BDKRB2: variants seen among roughly 807,000 people sequenced by gnomAD.
The protein encoded by BDKRB2 is B2 bradykinin receptor.
In BDKRB2, 6 loss-of-function variants were observed where a neutral mutation model predicts 4.0. That is an observed-to-expected ratio of 1.49 (90% CI 0.81 to 2.93). BDKRB2 has a LOEUF of 2.93. Ranked by LOEUF, BDKRB2 falls within the 30% of genes most tolerant of loss-of-function variation. BDKRB2 has a pLI of 0.00. For synonymous variants in BDKRB2, 225 were observed against 215.3 expected (o/e 1.05, Z -0.40); for missense variants, 478 against 520.1 (o/e 0.92, Z 0.79).
chr14:96,213,562 G>A (rs1050798303), intron 1 of BDKRB2, among the ~76,000 whole-genome samples: 3 of 151,436 alleles, frequency 2.0e-5, no homozygotes, highest in South Asian at 4.2e-4. Context: ...CTTCTTTGCT[G>A]CCTGCATGTC....
At chr14:96,218,571 C>A (rs1202594363) in intron 1 of BDKRB2, among the ~76,000 whole-genome samples, 1 of 152,174 alleles carries the variant, frequency 6.6e-6, no homozygotes, top group Non-Finnish European at 1.5e-5. Flanking sequence ...AGGCCCTGCT[C>A]TGCCACTGAC....
In BDKRB2 at chr14:96,237,658, C is replaced by T. The variant is rs778069161; in HGVS notation, c.74+477C>T. The T allele has an allele frequency of 7.6e-5, 97 of 1,281,436 alleles. 1 individual carries two copies. The South Asian group carries it at 1.0e-3, about 14-fold the overall frequency. 79.4% of individuals were successfully genotyped at this position (1,281,436 alleles called of 1,614,324 possible). On this transcript the variant is annotated intron_variant, in intron 2 of 2. Coordinates refer to ENST00000554311, the MANE Select transcript of BDKRB2 (RefSeq NM_001379692.1). The stretch of plus-strand genomic sequence containing the variant: ...GGATAGGGAGATCTGTTCTTGGGGA[C>T]AGCATTTGCAAGAAACAAGGCTGAG...
rs1011972119 is a variant in BDKRB2 at position 96,239,687 on chromosome 14, A to G, written c.75-716A>G. 3.7e-5 allele frequency: 35 copies of G among 937,684 alleles called. No individual in the cohort carries two copies. The African/African-American group carries it at 6.1e-4, about 16-fold the overall frequency. 58.1% of individuals were successfully genotyped at this position (937,684 alleles called of 1,614,324 possible). On this transcript the variant is annotated intron_variant, in intron 2 of 2. Transcript: ENST00000554311. ...CTGAGAGGTAGTTTTTTTAACTCCC[A>G]TTTTACAGGTGAGGTCATTGTGGTT...
chr14:96,233,573 T>A (rs935949482), intron 1 of BDKRB2: 3 of 152,226 alleles, frequency 2.0e-5, no homozygotes, highest in Non-Finnish European at 4.4e-5. Context: ...TCTTTCCACT[T>A]AAAATATTCA....
Position 96,242,778 on chromosome 14 carries a change from T to A in BDKRB2, c.*1274T>A, listed in dbSNP as rs199816215. ...AGCCGGTACCTGGGAAGGGGGAGAG[T>A]GCAGGCCTGCTCAGGGACTGTTCCT... On this transcript the variant is annotated 3_prime_UTR_variant, in exon 3 of 3. Transcript: ENST00000554311. The A allele has an allele frequency of 6.6e-6, 1 of 152,064 alleles. No individual in the cohort carries two copies. The highest frequency in any genetic ancestry group is 2.1e-4 in the South Asian group (1 of 4,804). The allele number at this position is 152,064 out of a possible 1,614,324, so 9.4% of individuals were successfully genotyped here. A position where few individuals can be genotyped will look rare whatever the true frequency, so the allele number is the denominator to read the frequency against.
intron 1 of BDKRB2, among the ~76,000 whole-genome samples, chr14:96,217,751 A>T (rs1448286673): frequency 6.6e-6 from 1 of 152,186 alleles, no homozygotes. Flanking sequence ...AGGCAGGGAC[A>T]GGCTATGCAT....
intron 1 of BDKRB2, among the ~76,000 whole-genome samples, chr14:96,225,820 G>C (rs912162342): frequency 6.6e-6 from 1 of 152,184 alleles, no homozygotes; most frequent in East Asian, 1.9e-4. Context: ...ACCCAGCTGG[G>C]TGGGAAGAAG....
chr14:96,240,978 C>A lies in BDKRB2; in HGVS notation c.650C>A (p.Ser217Tyr). ...ACCGCTTGTGTCATCAGCTACCCAT[C>A]CCTCATCTGGGAAGTGTTCACCAAC... ...NVTACVISYP[S>Y]LIWEVFTNML... is the part of the protein sequence containing the mutation. Residue 217 changes from serine (S) to tyrosine (Y), a missense_variant, in exon 3 of 3, where the codon TCC (serine) becomes TAC (tyrosine). Coordinates refer to ENST00000554311, the MANE Select transcript of BDKRB2 (RefSeq NM_001379692.1). 1 of 1,595,746 alleles carries A rather than the reference C, an allele frequency of 6.3e-7. No homozygotes were observed. The highest frequency in any genetic ancestry group is 8.6e-7 in the Non-Finnish European group (1 of 1,168,592).
intron 1 of BDKRB2, among the ~76,000 whole-genome samples, chr14:96,227,608 TGCACAC>T (rs1420224350): frequency 6.6e-6 from 1 of 151,600 alleles, no homozygotes; most frequent in Admixed American, 6.6e-5. Flanking sequence ...AACACATGCA[TGCACAC>T]ACAAACACAC....
At chr14:96,217,311 C>G (rs1890449163) in intron 1 of BDKRB2, among the ~76,000 whole-genome samples, 4 of 152,218 alleles carry the variant, frequency 2.6e-5, no homozygotes, top group Admixed American at 2.6e-4. Flanking sequence ...AATGGTGAGG[C>G]CCACCTGGCA....
chr14:96,236,171 C>A (rs1890930641), intron 1 of BDKRB2, among the ~76,000 whole-genome samples: 1 of 152,166 alleles, frequency 6.6e-6, no homozygotes, highest in Non-Finnish European at 1.5e-5. Flanking sequence ...AACTTGACAG[C>A]ACCTTGTATT....
chr14:96,223,064 G>T, intron 1 of BDKRB2: 2 of 822,168 alleles, frequency 2.4e-6, no homozygotes, highest in East Asian at 2.6e-5. Context: ...GGAGTTGCTT[G>T]GAGGTTGGCG....
chr14:96,215,800 G>A (rs1290801263), intron 1 of BDKRB2, among the ~76,000 whole-genome samples: 1 of 152,214 alleles, frequency 6.6e-6, no homozygotes, highest in African/African-American at 2.4e-5. Flanking sequence ...CCCTAACATT[G>A]ATTCGGCATC....
Position 96,240,741 on chromosome 14 carries a change from C to T in BDKRB2, c.413C>T (p.Ser138Phe). ...TLCRVVNAII[S>F]MNLYSSICFL... ...TGCCGCGTGGTGAATGCCATTATCT[C>T]CATGAACCTGTACAGCAGCATCTGT... The change falls in exon 3 of 3, where the codon TCC becomes TTC. Residue 138 changes from serine (S) to phenylalanine (F), a missense_variant. Ser to Phe is a radical substitution (Grantham distance 155). Coordinates refer to ENST00000554311, the MANE Select transcript of BDKRB2 (RefSeq NM_001379692.1). The T allele has an allele frequency of 6.3e-7, 1 of 1,594,748 alleles. No individual in the cohort carries two copies. The highest frequency in any genetic ancestry group is 1.3e-5 in the African/African-American group (1 of 74,546).
chr14:96,240,107 G>A, intron 2 of BDKRB2: 1 of 1,131,138 alleles, frequency 8.8e-7, no homozygotes, highest in South Asian at 4.3e-5. Context: ...GAGGTCAAGG[G>A]TCCAACACTT....
chr14:96,206,457 C>T lies in BDKRB2; in HGVS notation c.-40+1498C>T, dbSNP rs200780487. ...TCTTTGGGATTCCCTCCCTTGCAAACGGGGAGGTTCCCATGGTTGGGCCTG... is the reference window on the plus strand; with the variant it reads ...TCTTTGGGATTCCCTCCCTTGCAAATGGGGAGGTTCCCATGGTTGGGCCTG... On this transcript the variant is annotated intron_variant, in intron 1 of 2. Coordinates refer to ENST00000554311, the MANE Select transcript of BDKRB2 (RefSeq NM_001379692.1). 1.5e-4 allele frequency among the ~76,000 whole-genome samples: 23 copies of T among 152,232 alleles called. No individual in the cohort carries two copies. In the East Asian group the frequency reaches 2.5e-3, roughly 17 times the overall value.
At chr14:96,226,925 G>C (rs1444679878) in intron 1 of BDKRB2, among the ~76,000 whole-genome samples, 1 of 152,234 alleles carries the variant, frequency 6.6e-6, no homozygotes, top group Non-Finnish European at 1.5e-5. Flanking sequence ...CTATGCTCAA[G>C]TCAGAAAGCC....
In BDKRB2 at chr14:96,243,718, T is replaced by C. The variant is rs1885364791; in HGVS notation, c.*2214T>C. On this transcript the variant is annotated 3_prime_UTR_variant, in exon 3 of 3. Coordinates refer to ENST00000554311, the MANE Select transcript of BDKRB2 (RefSeq NM_001379692.1). ...CCTCCTTACCCCCAACCCACTCTTTTTTCCCACCACCCACTCTCCTCTGCC... is the reference window on the plus strand; with the variant it reads ...CCTCCTTACCCCCAACCCACTCTTTCTTCCCACCACCCACTCTCCTCTGCC... 1 of 154,132 alleles carries C rather than the reference T, an allele frequency of 6.5e-6. No individual in the cohort carries two copies. The highest frequency in any genetic ancestry group is 2.1e-4 in the South Asian group (1 of 4,856). 9.5% of individuals were successfully genotyped at this position (154,132 alleles called of 1,614,324 possible). A position where few individuals can be genotyped will look rare whatever the true frequency, so the allele number is the denominator to read the frequency against.
At chr14:96,209,639 T>G (rs536211655) in intron 1 of BDKRB2, among the ~76,000 whole-genome samples, 1 of 152,338 alleles carries the variant, frequency 6.6e-6, no homozygotes, top group South Asian at 2.1e-4. Context: ...AAGAAGCAGG[T>G]GGAGGAATCA....
Sources: allele counts gnomAD v4.1 joint callset (sites outside exome capture counted in the v4.1 genomes callset), GRCh38; gene constraint gnomAD v4.1.1; transcripts MANE v1.5; gene names NCBI Gene and HGNC (gene_info 2026-07-23, HGNC 2026-07-21).